The following CDH12 variants were observed in gnomAD, a reference collection of about 807,000 sequenced individuals.
CDH12 encodes cadherin-12.
Under a neutral mutation model 74.1 loss-of-function variants are expected in CDH12, and 41 were observed. The observed-to-expected ratio is 0.55, with a 90% CI of 0.43 to 0.72. The LOEUF is 0.72. Among genes scored for constraint, CDH12 ranks in the 30% least tolerant of loss-of-function variants. The pLI is 0.00. For missense variants in CDH12, 945 were observed against 977.2 expected (o/e 0.97, Z 0.44); for synonymous variants, 399 against 355.0 (o/e 1.12, Z -1.39).
chr5:22,536,157 T>A lies in CDH12; in HGVS notation c.-522-30793A>T, dbSNP rs138325330. 6.9e-4 allele frequency among the ~76,000 whole-genome samples: 105 copies of A among 152,314 alleles called. 1 individual carries two copies. The highest frequency in any genetic ancestry group is 2.4e-3 in the Admixed American group (37 of 15,300). On this transcript the variant is annotated intron_variant, in intron 1 of 14. Transcript: ENST00000382254. ...ATGGATACCGAGGAAAGACTTAATA[T>A]TTCCTTTGTTCTCAAGTAGCAAGTG...
chr5:21,825,583 T>A (rs1748624717), intron 8 of CDH12, among the ~76,000 whole-genome samples: 1 of 152,134 alleles, frequency 6.6e-6, no homozygotes. Context: ...AACAGAACTT[T>A]TCCAAGAGAA....
intron 10 of CDH12, among the ~76,000 whole-genome samples, chr5:21,800,456 G>T (rs765280133): frequency 6.6e-6 from 1 of 152,018 alleles, no homozygotes; most frequent in Non-Finnish European, 1.5e-5. Context: ...TAGTTGATCC[G>T]GATGGAGCCC....
At chr5:22,052,193 T>C (rs928388708) in intron 5 of CDH12, among the ~76,000 whole-genome samples, 2 of 152,122 alleles carry the variant, frequency 1.3e-5, no homozygotes, top group African/African-American at 4.8e-5. Flanking sequence ...GTCTATTACA[T>C]TTTATTTTTC....
At chr5:22,531,105 C>T (rs931920252) in intron 1 of CDH12, among the ~76,000 whole-genome samples, 24 of 152,032 alleles carry the variant, frequency 1.6e-4, no homozygotes, top group Admixed American at 1.2e-3. Flanking sequence ...ACTTAACTCC[C>T]CTGCTGTGAT....
At chr5:21,880,627 CTT>C (rs756609540) in intron 6 of CDH12, among the ~76,000 whole-genome samples, 5 of 69,944 alleles carry the variant, frequency 7.1e-5, no homozygotes, top group African/African-American at 2.1e-4. Flanking sequence ...TTCTTTCTTT[CTT>C]TCTTTCTTTC....
chr5:22,452,490 A>G (rs761440513), intron 2 of CDH12, among the ~76,000 whole-genome samples: 6 of 151,980 alleles, frequency 3.9e-5, no homozygotes, highest in Admixed American at 2.0e-4. Flanking sequence ...CTCTTCAATA[A>G]ATGGTTCTGA....
intron 3 of CDH12, among the ~76,000 whole-genome samples, chr5:22,349,201 A>G (rs1249531509): frequency 1.3e-5 from 2 of 152,172 alleles, no homozygotes; most frequent in Non-Finnish European, 1.5e-5. Flanking sequence ...ACTGTAAGAA[A>G]TACATTTCTG....
intron 1 of CDH12, among the ~76,000 whole-genome samples, chr5:22,819,869 AAT>A (rs971720617): frequency 1.3e-5 from 2 of 149,280 alleles, no homozygotes; most frequent in East Asian, 3.9e-4. Flanking sequence ...CAGATATTTA[AAT>A]ATATATATTT....
intron 3 of CDH12, among the ~76,000 whole-genome samples, chr5:22,335,693 C>T (rs1386452468): frequency 6.6e-6 from 1 of 152,164 alleles, no homozygotes. Flanking sequence ...TTGCCTTCCA[C>T]CATGTTTGTG....
chr5:22,296,215 A>G (rs955934872), intron 3 of CDH12, among the ~76,000 whole-genome samples: 2 of 152,040 alleles, frequency 1.3e-5, no homozygotes, highest in African/African-American at 4.8e-5. Flanking sequence ...TGTTGATTTT[A>G]GCAGTAGGAA....
At chr5:22,240,564 C>T (rs1752711181) in intron 3 of CDH12, among the ~76,000 whole-genome samples, 2 of 152,188 alleles carry the variant, frequency 1.3e-5, no homozygotes, top group Admixed American at 6.5e-5. Context: ...GACAGAATCT[C>T]GTTCCTTCGC....
At chr5:22,761,517 T>C (rs1258054414) in intron 1 of CDH12, among the ~76,000 whole-genome samples, 1 of 152,176 alleles carries the variant, frequency 6.6e-6, no homozygotes, top group African/African-American at 2.4e-5. Context: ...GATATAAATA[T>C]AAGCAGTAAC....
At chr5:22,060,882 T>C (rs185118381) in intron 5 of CDH12, among the ~76,000 whole-genome samples, 81 of 152,290 alleles carry the variant, frequency 5.3e-4, no homozygotes, top group Non-Finnish European at 9.3e-4. Context: ...TCCTATCATG[T>C]AACCCACTAC....
intron 3 of CDH12, among the ~76,000 whole-genome samples, chr5:22,381,098 G>A (rs1261892834): frequency 1.3e-5 from 2 of 151,960 alleles, no homozygotes; most frequent in Non-Finnish European, 2.9e-5. Flanking sequence ...TAGTATAAGA[G>A]AATAAAAATT....
intron 2 of CDH12, among the ~76,000 whole-genome samples, chr5:22,413,420 A>G (rs1274368505): frequency 1.3e-5 from 2 of 151,998 alleles, no homozygotes; most frequent in Non-Finnish European, 2.9e-5. Context: ...GAAAGAGTGG[A>G]CAAAAGCCGA....
At chr5:22,526,051 T>C (rs1561468184) in intron 1 of CDH12, among the ~76,000 whole-genome samples, 1 of 152,184 alleles carries the variant, frequency 6.6e-6, no homozygotes, top group African/African-American at 2.4e-5. Context: ...CATAAATCTT[T>C]CTTTCTCAAA....
At chr5:22,657,835 A>G (rs908136296) in intron 1 of CDH12, among the ~76,000 whole-genome samples, 1 of 152,196 alleles carries the variant, frequency 6.6e-6, no homozygotes, top group Admixed American at 6.6e-5. Flanking sequence ...CTTTATGTCC[A>G]ATTTTTCTTT....
At chr5:22,152,795 T>C (rs13158590) in intron 4 of CDH12, among the ~76,000 whole-genome samples, 5 of 152,172 alleles carry the variant, frequency 3.3e-5, no homozygotes, top group Non-Finnish European at 4.4e-5. Flanking sequence ...ATATCCCTAC[T>C]CTTGGAAACC....
In CDH12 at chr5:22,121,623, G is replaced by A. The variant is rs932828525; in HGVS notation, c.-186-42761C>T. The stretch of plus-strand genomic sequence containing the variant: ...TTAACATTAAGTTTTTGTCTATAAT[G>A]TCCTCATTGTAAATACAGTATAAGC... On this transcript the variant is annotated intron_variant, in intron 4 of 14. Coordinates refer to ENST00000382254, the MANE Select transcript of CDH12 (RefSeq NM_004061.5). 6.9e-4 allele frequency among the ~76,000 whole-genome samples: 105 copies of A among 152,122 alleles called. 1 individual carries two copies. Among genetic ancestry groups the A allele is most frequent in the African/African-American group, 2.2e-3 (91 of 41,498 alleles).
Sources: allele counts gnomAD v4.1 joint callset (sites outside exome capture counted in the v4.1 genomes callset), GRCh38; gene constraint gnomAD v4.1.1; transcripts MANE v1.5; gene names NCBI Gene and HGNC (gene_info 2026-07-23, HGNC 2026-07-21).